PKP4: variants seen among roughly 807,000 people sequenced by gnomAD.
PKP4 encodes the protein plakophilin-4.
Under a neutral mutation model 145.1 loss-of-function variants are expected in PKP4, and 90 were observed. That is an observed-to-expected ratio of 0.62 (90% CI 0.52 to 0.74). The LOEUF is 0.74. Among genes scored for constraint, PKP4 ranks in the 30% least tolerant of loss-of-function variants. PKP4 has a pLI of 0.00. For missense variants in PKP4, 1,340 were observed against 1,482.7 expected, an observed-to-expected ratio of 0.90 and a Z score of 1.58; for synonymous variants, 563 against 577.2, an observed-to-expected ratio of 0.98 and a Z score of 0.35.
chr2:158,586,290 TG>T (rs1205476792), intron 3 of PKP4, among the ~76,000 whole-genome samples: 3 of 152,110 alleles, frequency 2.0e-5, no homozygotes, highest in Non-Finnish European at 4.4e-5. Flanking sequence ...TTGGGAGAGG[TG>T]GGAGCAAAGG....
intron 2 of PKP4, among the ~76,000 whole-genome samples, chr2:158,552,658 T>C (rs1456155350): frequency 6.6e-6 from 1 of 152,222 alleles, no homozygotes; most frequent in Non-Finnish European, 1.5e-5. Context: ...ACCTTGGTGA[T>C]ACTGGTTCAG....
intron 1 of PKP4, among the ~76,000 whole-genome samples, chr2:158,462,618 C>T (rs986199234): frequency 5.3e-5 from 8 of 152,184 alleles, no homozygotes; most frequent in Non-Finnish European, 1.5e-5. Flanking sequence ...TCTGAGATTA[C>T]ATATGGTAGT....
intron 11 of PKP4, among the ~76,000 whole-genome samples, chr2:158,649,231 A>G (rs1173470392): frequency 2.0e-5 from 3 of 152,186 alleles, no homozygotes; most frequent in Admixed American, 2.0e-4. Context: ...AAGTCCAGGA[A>G]GGTTGAGCAG....
rs2045878451 is a variant in PKP4 at position 158,554,214 on chromosome 2, GAAGATTCA to G, written c.132+20899_132+20906del. On this transcript the variant is annotated intron_variant, in intron 2 of 21. Coordinates refer to ENST00000389759, the MANE Select transcript of PKP4 (RefSeq NM_003628.6). ...CTTCTGGCACTCACTGTCATTCGCT[GAAGATTCA>G]GCTCATGGCCACCTTCTCCAGTTCA... is the stretch of plus-strand genomic sequence containing the variant. 7.2e-5 allele frequency among the ~76,000 whole-genome samples: 11 copies of G among 152,142 alleles called. No individual in the cohort carries two copies. In the South Asian group the frequency reaches 1.0e-3, roughly 14 times the overall value.
At position 158,666,560 on chromosome 2, in the gene PKP4, A is replaced by T; in HGVS notation, c.2725A>T (p.Ile909Leu). 6.2e-7 allele frequency: 1 copy of T among 1,608,412 alleles called. No homozygotes were observed. Residue 909 changes from isoleucine to leucine, a missense_variant, in exon 16 of 22, where the codon ATA becomes TTA. Physicochemically the swap from Ile to Leu is conservative, Grantham distance 5. Coordinates refer to ENST00000389759, the MANE Select transcript of PKP4 (RefSeq NM_003628.6). The stretch of plus-strand genomic sequence containing the variant: ...ACTAGATGTTCGCAACAAGGAGCTC[A>T]TAGGTATGTTCTGGTGACAAGATGA... ...MALDVRNKEL[I>L]GKYAMRDLVN... is the part of the protein sequence containing the mutation.
intron 2 of PKP4, among the ~76,000 whole-genome samples, chr2:158,574,357 A>G (rs766341998): frequency 6.6e-6 from 1 of 152,180 alleles, no homozygotes; most frequent in Non-Finnish European, 1.5e-5. Context: ...TTTAAGAACC[A>G]TTCTTCACAT....
chr2:158,601,616 C>T (rs1237457391), intron 3 of PKP4, among the ~76,000 whole-genome samples: 1 of 152,134 alleles, frequency 6.6e-6, no homozygotes, highest in Admixed American at 6.5e-5. Context: ...AAGAGTGTTT[C>T]AGATAAAGGA....
At position 158,577,342 on chromosome 2, in the gene PKP4, A is replaced by G. The variant is rs1199384324; in HGVS notation, c.204A>G (p.Arg68=). 6.2e-7 allele frequency: 1 copy of G among 1,613,442 alleles called. No individual in the cohort carries two copies. Among genetic ancestry groups the G allele is most frequent in the African/African-American group, 1.3e-5 (1 of 74,816 alleles). ...AGATTGTTGCCAGTCAGCTAGAAAG[A>G]TGTAGGCTTGGAGCAGAATCACCAA... is the stretch of plus-strand genomic sequence containing the variant. ...ERQIVASQLE[R]CRLGAESPSI... is the part of the protein sequence containing the mutation. The change falls in exon 3 of 22, where the codon AGA becomes AGG. Residue 68 remains arginine, a synonymous_variant. Transcript: ENST00000389759.
In PKP4 at chr2:158,486,660, A is replaced by G. The variant is rs550874753; in HGVS notation, c.-6+29442A>G. Among the ~76,000 whole-genome samples, 25 of 152,370 alleles carry G rather than the reference A, an allele frequency of 1.6e-4. No homozygotes were observed. The East Asian group carries it at 4.2e-3, about 26-fold the overall frequency. ...CAGAGAATAGACTAAGTAAGGCATA[A>G]TAAGTTAGGACCTGCCACATGGCAA... On this transcript the variant is annotated intron_variant, in intron 1 of 21. Coordinates refer to ENST00000389759, the MANE Select transcript of PKP4 (RefSeq NM_003628.6).
At chr2:158,678,424 A>AG (rs2058203443) in intron 20 of PKP4, among the ~76,000 whole-genome samples, 157 bp from the exon 21 acceptor site, 1 of 152,108 alleles carries the variant, frequency 6.6e-6, no homozygotes, top group South Asian at 2.1e-4. Flanking sequence ...GGCCAGATCC[A>AG]GGGACCCTGA....
intron 11 of PKP4, among the ~76,000 whole-genome samples, chr2:158,644,206 G>A (rs562557921): frequency 1.3e-5 from 2 of 152,332 alleles, no homozygotes; most frequent in East Asian, 1.9e-4. Context: ...GTGGGAGAGC[G>A]TGGGAGGCCT....
chr2:158,533,548 C>T, intron 2 of PKP4: 1 of 602,282 alleles, frequency 1.7e-6, no homozygotes, highest in Non-Finnish European at 3.2e-6. Context: ...AGGACAATCT[C>T]GATGGTGATC....
intron 13 of PKP4, 70 bp from the exon 14 acceptor site, chr2:158,662,827 T>C (rs1558974272): frequency 8.5e-7 from 1 of 1,175,610 alleles, no homozygotes; most frequent in Non-Finnish European, 1.2e-6. Flanking sequence ...CTGTCTGTAG[T>C]GTTCAGTACA....
At chr2:158,471,773 A>G (rs1250643618) in intron 1 of PKP4, among the ~76,000 whole-genome samples, 2 of 152,248 alleles carry the variant, frequency 1.3e-5, no homozygotes, top group African/African-American at 4.8e-5. Context: ...AAGAAAAAAG[A>G]ACTAGTCATT....
At chr2:158,641,716 A>G (rs912649072) in intron 10 of PKP4, among the ~76,000 whole-genome samples, 4 of 152,228 alleles carry the variant, frequency 2.6e-5, no homozygotes, top group African/African-American at 7.2e-5. Context: ...TAATGTACTA[A>G]TGAATTGACA....
chr2:158,518,979 A>G (rs76830897), intron 1 of PKP4, among the ~76,000 whole-genome samples: 7,072 of 151,962 alleles, frequency 0.047, 410 homozygotes, highest in African/African-American at 0.14. Flanking sequence ...TTATTCACTT[A>G]TTGTCTCATT....
chr2:158,522,618 G>A (rs957874312), intron 1 of PKP4, among the ~76,000 whole-genome samples: 1 of 150,534 alleles, frequency 6.6e-6, no homozygotes, highest in Admixed American at 6.6e-5. Context: ...GAGACCTGGA[G>A]GGGGAGGAGC....
chr2:158,495,970 A>G (rs925580580), intron 1 of PKP4, among the ~76,000 whole-genome samples: 1 of 151,954 alleles, frequency 6.6e-6, no homozygotes, highest in African/African-American at 2.4e-5. Context: ...ATACATTTTT[A>G]CTTGAAAATA....
Position 158,603,064 on chromosome 2 carries a change from C to A in PKP4, c.246-6C>A. 1 of 1,482,570 alleles carries A rather than the reference C, an allele frequency of 6.7e-7. No individual in the cohort carries two copies. The allele number at this position is 1,482,570 out of a possible 1,614,324, so 91.8% of individuals were successfully genotyped here. A position where few individuals can be genotyped will look rare whatever the true frequency, so the allele number is the denominator to read the frequency against. On this transcript the variant is annotated splice_polypyrimidine_tract_variant and splice_region_variant and intron_variant, in intron 3 of 21. Coordinates refer to ENST00000389759, the MANE Select transcript of PKP4 (RefSeq NM_003628.6). The stretch of plus-strand genomic sequence containing the variant: ...ATGTTCCATTTTTTTCTTTCTTTTT[C>A]TTTAGCTCAACTGAGAAGTCATTTC...
Sources: allele counts gnomAD v4.1 joint callset (sites outside exome capture counted in the v4.1 genomes callset), GRCh38; gene constraint gnomAD v4.1.1; transcripts MANE v1.5; gene names NCBI Gene and HGNC (gene_info 2026-07-23, HGNC 2026-07-21).